The following CSMD1 variants were observed in gnomAD, a reference collection of about 807,000 sequenced individuals.
The protein encoded by CSMD1 is CUB and Sushi multiple domains 1.
Under a neutral mutation model 417.5 loss-of-function variants are expected in CSMD1, and 213 were observed. That is an observed-to-expected ratio of 0.51 (90% CI 0.46 to 0.57). CSMD1 has a LOEUF of 0.57. Ranked by LOEUF, CSMD1 falls within the 20% of genes least tolerant of loss-of-function variation. The pLI, the probability that CSMD1 is intolerant of heterozygous loss-of-function variation, is 0.00. For synonymous variants in CSMD1, 2,862 were observed against 1,736.8 expected (o/e 1.65, Z -16.11); for missense variants, 6,923 against 4,529.7 (o/e 1.53, Z -15.17).
At chr8:4,587,393 GTATATGTGGATATATATGTATATGTA>G (rs1563312197) in intron 2 of CSMD1, among the ~76,000 whole-genome samples, 71 of 76,530 alleles carry the variant, frequency 9.3e-4, no homozygotes, top group African/African-American at 5.3e-3. Flanking sequence ...GTACATACAT[GTATATGTGGATATATATGTATATGTA>G]CATGTATATG....
chr8:3,214,717 C>A (rs1797792139), intron 29 of CSMD1, 26 bp from the exon 30 acceptor site: 1 of 1,523,298 alleles, frequency 6.6e-7, no homozygotes. Context: ...ATGTAAACTG[C>A]ATGAGAGCAG....
intron 16 of CSMD1, 46 bp downstream of exon 16, chr8:3,399,345 G>C: frequency 7.3e-6 from 11 of 1,512,528 alleles, no homozygotes; most frequent in African/African-American, 1.4e-5. Context: ...AACTATGGAA[G>C]AGACACACAC....
chr8:4,779,611 G>A lies in CSMD1; in HGVS notation c.86-142053C>T, dbSNP rs112909662. On this transcript the variant is annotated intron_variant, in intron 1 of 69. Transcript: ENST00000635120. ...GGAACACAGGAAGCATTAGCTGTAC[G>A]CCTCCAGCACTTCTCAAGCTTCTCT... Among the ~76,000 whole-genome samples the A allele has an allele frequency of 4.2e-3, 638 of 152,306 alleles. 6 individuals carry two copies. Among genetic ancestry groups the A allele is most frequent in the Middle Eastern group, 0.017 (5 of 294 alleles).
At chr8:3,016,118 G>A (rs914099591) in intron 52 of CSMD1, among the ~76,000 whole-genome samples, 4 of 152,080 alleles carry the variant, frequency 2.6e-5, no homozygotes, top group African/African-American at 4.8e-5. Flanking sequence ...CTTCCTGTAC[G>A]TTCTAATCAG....
intron 63 of CSMD1, among the ~76,000 whole-genome samples, chr8:2,956,529 C>T (rs915732220): frequency 2.0e-5 from 3 of 152,130 alleles, no homozygotes; most frequent in African/African-American, 7.2e-5. Flanking sequence ...TCTCCGCTCG[C>T]TGCAAGCTCC....
At chr8:4,896,006 T>C (rs902825124) in intron 1 of CSMD1, among the ~76,000 whole-genome samples, 1 of 152,104 alleles carries the variant, frequency 6.6e-6, no homozygotes, top group Non-Finnish European at 1.5e-5. Flanking sequence ...CTAACCATTT[T>C]CTGATTGAGA....
At chr8:4,503,969 C>CA (rs200846437) in intron 2 of CSMD1, among the ~76,000 whole-genome samples, 11,971 of 85,374 alleles carry the variant, frequency 0.14, 691 homozygotes, top group East Asian at 0.32. Context: ...CTTGCATATT[C>CA]AAAAAAAAAA....
chr8:4,957,263 C>G (rs1416747404), intron 1 of CSMD1, among the ~76,000 whole-genome samples: 3 of 152,136 alleles, frequency 2.0e-5, no homozygotes, highest in Non-Finnish European at 4.4e-5. Context: ...ATCCTGGAGT[C>G]AGGCTTGAAA....
intron 3 of CSMD1, among the ~76,000 whole-genome samples, chr8:4,334,375 T>G (rs6981425): frequency 0.085 from 12,909 of 152,170 alleles, 1,686 homozygotes; most frequent in African/African-American, 0.28. Flanking sequence ...CCTTAGGTGG[T>G]GGGCTTCATT....
chr8:3,872,052 C>A (rs1006040494), intron 5 of CSMD1, among the ~76,000 whole-genome samples: 1 of 152,148 alleles, frequency 6.6e-6, no homozygotes, highest in Non-Finnish European at 1.5e-5. Flanking sequence ...CATTATATTG[C>A]TCTTTTAGGA....
At chr8:4,069,606 A>G (rs976467489) in intron 3 of CSMD1, among the ~76,000 whole-genome samples, 3 of 152,142 alleles carry the variant, frequency 2.0e-5, no homozygotes, top group Non-Finnish European at 2.9e-5. Context: ...CCACAGCGTA[A>G]TACCATCTGG....
intron 1 of CSMD1, among the ~76,000 whole-genome samples, chr8:4,660,330 G>C (rs1258617148): frequency 6.6e-6 from 1 of 151,590 alleles, no homozygotes; most frequent in East Asian, 1.9e-4. Context: ...AAATACTTAG[G>C]TGTAAATCTA....
chr8:4,047,951 C>G (rs1798233980), intron 3 of CSMD1, among the ~76,000 whole-genome samples: 1 of 152,210 alleles, frequency 6.6e-6, no homozygotes, highest in South Asian at 2.1e-4. Flanking sequence ...AATATAATGT[C>G]ATGTTGAGTC....
At chr8:3,119,409 A>C (rs1817063710) in intron 41 of CSMD1, among the ~76,000 whole-genome samples, 1 of 132,034 alleles carries the variant, frequency 7.6e-6, no homozygotes. Context: ...AAAAAAAAAA[A>C]AAACACTGTA....
intron 1 of CSMD1, among the ~76,000 whole-genome samples, chr8:4,768,128 A>C (rs1812593417): frequency 6.6e-6 from 1 of 152,068 alleles, no homozygotes; most frequent in African/African-American, 2.4e-5. Context: ...GAAAATTATA[A>C]ACAGATGTTT....
At chr8:3,959,496 C>G (rs117775948) in intron 5 of CSMD1, among the ~76,000 whole-genome samples, 3,016 of 152,144 alleles carry the variant, frequency 0.02, 43 homozygotes, top group Non-Finnish European at 0.03. Context: ...GAGACTCCGT[C>G]AAGAAAGAAA....
At chr8:3,689,910 G>A (rs753722595) in intron 7 of CSMD1, among the ~76,000 whole-genome samples, 32 of 152,182 alleles carry the variant, frequency 2.1e-4, no homozygotes, top group Non-Finnish European at 4.1e-4. Flanking sequence ...ATTAAATAAA[G>A]CTGCAAATAA....
At chr8:4,780,333 A>C (rs1373621614) in intron 1 of CSMD1, among the ~76,000 whole-genome samples, 1 of 152,204 alleles carries the variant, frequency 6.6e-6, no homozygotes, top group Admixed American at 6.5e-5. Flanking sequence ...CTACTGCATA[A>C]TCTAGAACTA....
At chr8:3,770,243 G>C (rs954160168) in intron 5 of CSMD1, among the ~76,000 whole-genome samples, 2 of 152,140 alleles carry the variant, frequency 1.3e-5, no homozygotes, top group East Asian at 1.9e-4. Context: ...GAAAATACTA[G>C]GCAACTGGGC....
Sources: gnomAD v4.1 joint callset for allele counts (sites outside exome capture counted in the v4.1 genomes callset) on GRCh38, gnomAD v4.1.1 for gene constraint, MANE v1.5 for transcripts, NCBI Gene and HGNC (gene_info 2026-07-23, HGNC 2026-07-21) for gene names.